Variants in SEMA6D observed in about 807,000 individuals in gnomAD.
The protein encoded by SEMA6D is semaphorin-6D.
In SEMA6D, 35 loss-of-function variants were observed where a neutral mutation model predicts 106.6. That is an observed-to-expected ratio of 0.33 (90% CI 0.25 to 0.44). The LOEUF is 0.44. Among genes scored for constraint, SEMA6D ranks in the 20% least tolerant of loss-of-function variants. The probability of loss-of-function intolerance (pLI) is 1.00; values close to 1 mark genes in which losing one functional copy is unlikely to be tolerated. For synonymous variants in SEMA6D, 499 were observed against 487.7 expected (o/e 1.02, Z -0.31); for missense variants, 1,185 against 1,345.9 (o/e 0.88, Z 1.87).
At chr15:47,552,344 T>A (rs2045721524) in intron 3 of SEMA6D, among the ~76,000 whole-genome samples, 1 of 152,018 alleles carries the variant, frequency 6.6e-6, no homozygotes, top group Non-Finnish European at 1.5e-5. Context: ...ATAAAATAGC[T>A]ATGTAGAAGA....
intron 9 of SEMA6D, among the ~76,000 whole-genome samples, chr15:47,763,513 A>G (rs947678517): frequency 1.1e-4 from 17 of 152,118 alleles, no homozygotes; most frequent in African/African-American, 3.6e-4. Flanking sequence ...AAGTATTGCA[A>G]CCCCTTCTAT....
intron 1 of SEMA6D, among the ~76,000 whole-genome samples, chr15:47,215,938 A>T (rs2030553562): frequency 6.6e-6 from 1 of 152,276 alleles, no homozygotes; most frequent in East Asian, 1.9e-4. Context: ...TATAATATTT[A>T]TAAGTGTTAA....
intron 1 of SEMA6D, among the ~76,000 whole-genome samples, chr15:47,367,687 C>T (rs770765859): frequency 4.8e-5 from 2 of 42,102 alleles, no homozygotes; most frequent in Non-Finnish European, 1.0e-4. Context: ...CACGCGCGCG[C>T]GCGCGCACAC....
At position 47,416,890 on chromosome 15, in the gene SEMA6D, G is replaced by A. The variant is rs184751122; in HGVS notation, c.-159+4418G>A. On this transcript the variant is annotated intron_variant, in intron 2 of 19. Coordinates refer to the SEMA6D transcript ENST00000558014. ...AGCCCATGACTAACAATAGGAACCCGAGAACCGCCATAACTGCAATGGTCC... is the reference window on the plus strand; with the variant it reads ...AGCCCATGACTAACAATAGGAACCCAAGAACCGCCATAACTGCAATGGTCC... 2.6e-3 allele frequency among the ~76,000 whole-genome samples: 391 copies of A among 152,124 alleles called. 3 individuals carry two copies. Among genetic ancestry groups the A allele is most frequent in the African/African-American group, 8.8e-3 (366 of 41,510 alleles).
At chr15:47,458,452 A>G (rs1044676329) in intron 2 of SEMA6D, among the ~76,000 whole-genome samples, 4 of 152,044 alleles carry the variant, frequency 2.6e-5, no homozygotes, top group Non-Finnish European at 2.9e-5. Flanking sequence ...GATAGACAAT[A>G]TTCTGACCAT....
intron 4 of SEMA6D, among the ~76,000 whole-genome samples, chr15:47,645,092 G>A (rs1472912813): frequency 6.6e-6 from 1 of 152,162 alleles, no homozygotes; most frequent in African/African-American, 2.4e-5. Flanking sequence ...GAGAGCATGT[G>A]GGTGCCGGGG....
chr15:47,381,014 A>C (rs1210800382), intron 1 of SEMA6D, among the ~76,000 whole-genome samples: 1 of 152,242 alleles, frequency 6.6e-6, no homozygotes, highest in Non-Finnish European at 1.5e-5. Flanking sequence ...AAAAACAAGA[A>C]AAACATCTTT....
chr15:47,647,660 A>G (rs114973892), intron 4 of SEMA6D, among the ~76,000 whole-genome samples: 3,099 of 151,776 alleles, frequency 0.02, 120 homozygotes, highest in African/African-American at 0.071. Context: ...TTAACGTTCT[A>G]TTGAATGGAG....
intron 3 of SEMA6D, among the ~76,000 whole-genome samples, chr15:47,583,471 T>C (rs2076286838): frequency 6.6e-6 from 1 of 152,110 alleles, no homozygotes; most frequent in African/African-American, 2.4e-5. Context: ...GGGCTGGAAG[T>C]TGTTTCGGTC....
chr15:47,651,383 C>T (rs1381252130), intron 4 of SEMA6D, among the ~76,000 whole-genome samples: 4 of 151,928 alleles, frequency 2.6e-5, no homozygotes, highest in Admixed American at 2.0e-4. Context: ...CCAGCCTGGG[C>T]AACAGAGCAA....
chr15:47,376,691 C>CT (rs1277919481), intron 1 of SEMA6D, among the ~76,000 whole-genome samples: 4 of 152,170 alleles, frequency 2.6e-5, no homozygotes, highest in African/African-American at 9.7e-5. Context: ...AGCACTGGCT[C>CT]TTTATTAGGT....
chr15:47,205,247 T>G (rs1894978532), intron 1 of SEMA6D, among the ~76,000 whole-genome samples: 1 of 152,200 alleles, frequency 6.6e-6, no homozygotes, highest in Admixed American at 6.6e-5. Flanking sequence ...AACTATTTAT[T>G]GTCTTCTCCT....
At chr15:47,395,857 C>A (rs1354822682) in intron 1 of SEMA6D, among the ~76,000 whole-genome samples, 1 of 152,168 alleles carries the variant, frequency 6.6e-6, no homozygotes, top group Non-Finnish European at 1.5e-5. Context: ...ACAGGATCAG[C>A]TACTCAATAT....
chr15:47,625,296 T>TA (rs2144332510), intron 4 of SEMA6D, among the ~76,000 whole-genome samples: 1 of 152,286 alleles, frequency 6.6e-6, no homozygotes, highest in Non-Finnish European at 1.5e-5. Flanking sequence ...AATGCATAAA[T>TA]ACAGGAGTGA....
intron 3 of SEMA6D, among the ~76,000 whole-genome samples, chr15:47,526,511 A>G (rs747814889): frequency 2.6e-5 from 4 of 152,150 alleles, no homozygotes; most frequent in Non-Finnish European, 4.4e-5. Context: ...ACTTATTCAG[A>G]CCAAAGCAGC....
chr15:47,668,038 G>A (rs1051427069), intron 4 of SEMA6D, among the ~76,000 whole-genome samples: 3 of 152,000 alleles, frequency 2.0e-5, no homozygotes, highest in East Asian at 1.9e-4. Context: ...ATTCTTTAAC[G>A]TTTTCTGAAA....
At chr15:47,494,239 A>G (rs986033966) in intron 3 of SEMA6D, among the ~76,000 whole-genome samples, 1 of 152,110 alleles carries the variant, frequency 6.6e-6, no homozygotes, top group Non-Finnish European at 1.5e-5. Context: ...GAATTACTAT[A>G]AACAGCAACG....
At chr15:47,277,985 AC>A (rs1314878302) in intron 1 of SEMA6D, among the ~76,000 whole-genome samples, 1 of 151,904 alleles carries the variant, frequency 6.6e-6, no homozygotes, top group Non-Finnish European at 1.5e-5. Context: ...GTGTATATGT[AC>A]CACATTTTCT....
chr15:47,379,981 T>C (rs2039582327), intron 1 of SEMA6D, among the ~76,000 whole-genome samples: 1 of 152,064 alleles, frequency 6.6e-6, no homozygotes, highest in Non-Finnish European at 1.5e-5. Context: ...GGTCTTGAAC[T>C]CCGGACCTCA....
Sources: gnomAD v4.1 joint callset for allele counts (sites outside exome capture counted in the v4.1 genomes callset) on GRCh38, gnomAD v4.1.1 for gene constraint, MANE v1.5 for transcripts, NCBI Gene and HGNC (gene_info 2026-07-23, HGNC 2026-07-21) for gene names.